Variants in PTPN4 observed in about 807,000 individuals in gnomAD.
PTPN4 encodes the protein tyrosine-protein phosphatase non-receptor type 4.
Under a neutral mutation model 135.5 loss-of-function variants are expected in PTPN4, and 49 were observed. The observed-to-expected ratio is 0.36, with a 90% CI of 0.29 to 0.46. PTPN4 has a LOEUF of 0.46. Ranked by LOEUF, PTPN4 falls within the 20% of genes least tolerant of loss-of-function variation. The pLI is 1.00. For missense variants in PTPN4, 860 were observed against 1,101.0 expected, an observed-to-expected ratio of 0.78 and a Z score of 3.10; for synonymous variants, 333 against 369.9, an observed-to-expected ratio of 0.90 and a Z score of 1.14.
chr2:119,958,328 T>TA (rs35243850), intron 22 of PTPN4, among the ~76,000 whole-genome samples: 80,498 of 134,558 alleles, frequency 0.6, 25,323 homozygotes, highest in East Asian at 0.8. Context: ...AAGACCCGTC[T>TA]AAAAAAAAAA....
intron 2 of PTPN4, among the ~76,000 whole-genome samples, chr2:119,856,515 G>A (rs1317406592): frequency 6.6e-6 from 1 of 152,128 alleles, no homozygotes; most frequent in East Asian, 1.9e-4. Flanking sequence ...AATCTTTAAG[G>A]GTTAAAGGTA....
chr2:119,965,776 TAGG>T (rs1679437138), intron 25 of PTPN4, 131 bp downstream of exon 25: 1 of 1,076,242 alleles, frequency 9.3e-7, no homozygotes, highest in Non-Finnish European at 1.3e-6. Context: ...GCTCTGAAGG[TAGG>T]AGGCAAAGGA....
At chr2:119,944,181 AC>A (rs1679101838) in intron 15 of PTPN4, among the ~76,000 whole-genome samples, 1 of 152,220 alleles carries the variant, frequency 6.6e-6, no homozygotes, top group Admixed American at 6.5e-5. Flanking sequence ...TCTCTCTTAT[AC>A]CTGTCCTTAG....
intron 10 of PTPN4, among the ~76,000 whole-genome samples, chr2:119,905,412 A>C (rs553136436): frequency 8.5e-5 from 13 of 152,350 alleles, no homozygotes; most frequent in Non-Finnish European, 1.9e-4. Flanking sequence ...TAAAGGGATC[A>C]ATTCAGCGAA....
chr2:119,983,044 A>G lies in PTPN4; in HGVS notation c.*5974A>G, dbSNP rs1163432949. On this transcript the variant is annotated 3_prime_UTR_variant, in exon 27 of 27. Coordinates refer to ENST00000263708, the MANE Select transcript of PTPN4 (RefSeq NM_002830.4). ...ACTCAGTGAGGACTTCATTATTTTTATTTCTCTTTCCACGTCTCCAACTTT... is the reference window on the plus strand; with the variant it reads ...ACTCAGTGAGGACTTCATTATTTTTGTTTCTCTTTCCACGTCTCCAACTTT... 6.6e-6 allele frequency: 1 copy of G among 152,006 alleles called. No individual in the cohort carries two copies. The highest frequency in any genetic ancestry group is 2.4e-5 in the African/African-American group (1 of 41,378). The allele number at this position is 152,006 out of a possible 1,614,324, so 9.4% of individuals were successfully genotyped here. A position where few individuals can be genotyped will look rare whatever the true frequency, so the allele number is the denominator to read the frequency against.
chr2:119,833,455 T>G (rs1026668813), intron 2 of PTPN4, among the ~76,000 whole-genome samples: 5 of 152,188 alleles, frequency 3.3e-5, no homozygotes, highest in African/African-American at 1.2e-4. Flanking sequence ...TTTTGTATCT[T>G]TAATACTTTT....
At chr2:119,948,883 A>G (rs1391717018) in intron 18 of PTPN4, among the ~76,000 whole-genome samples, 2 of 152,168 alleles carry the variant, frequency 1.3e-5, no homozygotes, top group African/African-American at 4.8e-5. Flanking sequence ...ACAGTGGGTA[A>G]TGGAATTACA....
intron 2 of PTPN4, among the ~76,000 whole-genome samples, chr2:119,845,235 A>G (rs1574366147): frequency 2.2e-5 from 1 of 46,456 alleles, no homozygotes; most frequent in Non-Finnish European, 4.1e-5. Flanking sequence ...GACCGTGGGG[A>G]GAGGGAGAGG....
chr2:119,911,044 CT>C (rs1168622279), intron 10 of PTPN4, among the ~76,000 whole-genome samples: 1 of 152,004 alleles, frequency 6.6e-6, no homozygotes, highest in East Asian at 1.9e-4. Context: ...AATTAGAAAC[CT>C]TTTGAACATT....
intron 2 of PTPN4, among the ~76,000 whole-genome samples, chr2:119,830,471 C>T: frequency 6.7e-6 from 1 of 149,072 alleles, no homozygotes; most frequent in East Asian, 1.9e-4. Context: ...CACCTCTGCC[C>T]TCTCTCTCTC....
intron 1 of PTPN4, among the ~76,000 whole-genome samples, chr2:119,795,441 C>T (rs1235358606): frequency 6.6e-6 from 1 of 152,248 alleles, no homozygotes; most frequent in East Asian, 1.9e-4. Context: ...CGGCCTTTCT[C>T]CTGTGCTCGT....
chr2:119,834,246 A>G (rs1267478803), intron 2 of PTPN4, among the ~76,000 whole-genome samples: 1 of 152,052 alleles, frequency 6.6e-6, no homozygotes, highest in East Asian at 1.9e-4. Context: ...ACCCTACTCT[A>G]CTGAGGAACA....
intron 1 of PTPN4, among the ~76,000 whole-genome samples, chr2:119,783,606 A>G (rs1189671123): frequency 6.6e-6 from 1 of 152,240 alleles, no homozygotes; most frequent in Non-Finnish European, 1.5e-5. Context: ...AGAAATCATT[A>G]TGATATGGTG....
chr2:119,866,378 C>G (rs1188586273), intron 3 of PTPN4, among the ~76,000 whole-genome samples: 2 of 152,018 alleles, frequency 1.3e-5, no homozygotes, highest in East Asian at 3.8e-4. Context: ...TGATATTTGA[C>G]TGGTTTACTC....
intron 6 of PTPN4, 88 bp downstream of exon 6, chr2:119,881,918 C>T: frequency 8.7e-7 from 1 of 1,147,116 alleles, no homozygotes; most frequent in East Asian, 2.4e-5. Context: ...ATGGTCATTG[C>T]AAACAAATTA....
intron 1 of PTPN4, among the ~76,000 whole-genome samples, chr2:119,801,612 C>T (rs561824966): frequency 1.3e-5 from 2 of 152,160 alleles, no homozygotes; most frequent in Non-Finnish European, 2.9e-5. Flanking sequence ...TAGAAGTTCT[C>T]TATGTGTTTT....
At chr2:119,909,595 T>C (rs1247547912) in intron 10 of PTPN4, among the ~76,000 whole-genome samples, 3 of 152,218 alleles carry the variant, frequency 2.0e-5, no homozygotes, top group Non-Finnish European at 4.4e-5. Flanking sequence ...ATTTTGACTT[T>C]CAAATCTTTT....
intron 9 of PTPN4, among the ~76,000 whole-genome samples, chr2:119,886,286 A>G (rs573875090): frequency 3.0e-4 from 46 of 152,296 alleles, no homozygotes; most frequent in South Asian, 2.7e-3. Flanking sequence ...TAAAAGCACT[A>G]TTACGAGTTT....
chr2:119,949,760 T>C (rs1264464610), intron 18 of PTPN4, among the ~76,000 whole-genome samples: 1 of 152,050 alleles, frequency 6.6e-6, no homozygotes, highest in African/African-American at 2.4e-5. Context: ...GGAGGATCAC[T>C]TGAGCCCAGG....
Sources: allele counts gnomAD v4.1 joint callset (sites outside exome capture counted in the v4.1 genomes callset), GRCh38; gene constraint gnomAD v4.1.1; transcripts MANE v1.5; gene names NCBI Gene and HGNC (gene_info 2026-07-23, HGNC 2026-07-21).